Variants in NDST3 observed in about 807,000 individuals in gnomAD.
The protein encoded by NDST3 is bifunctional heparan sulfate N-deacetylase/N-sulfotransferase 3.
Under a neutral mutation model 96.1 loss-of-function variants are expected in NDST3, and 58 were observed. The ratio of observed to expected loss-of-function variants is 0.60; its 90% CI spans 0.49 to 0.75. The LOEUF is 0.75. NDST3 is among the 30% of genes least tolerant of loss of function. The probability of loss-of-function intolerance (pLI) is 0.00; values close to 1 mark genes in which losing one functional copy is unlikely to be tolerated. For synonymous variants in NDST3, 333 were observed against 359.7 expected, an observed-to-expected ratio of 0.93 and a Z score of 0.84; for missense variants, 788 against 1,034.2, an observed-to-expected ratio of 0.76 and a Z score of 3.27.
At position 118,098,426 on chromosome 4, in the gene NDST3, A is replaced by T. The variant is rs571214688; in HGVS notation, c.982-6592A>T. Reference sequence around the variant, plus strand: ...AGTATTTTGACTAAGCATGTCAACCATAAGCTAAATAGCATATGCATAACA... The same window carrying T: ...AGTATTTTGACTAAGCATGTCAACCTTAAGCTAAATAGCATATGCATAACA... On this transcript the variant is annotated intron_variant, in intron 2 of 13. Coordinates refer to ENST00000296499, the MANE Select transcript of NDST3 (RefSeq NM_004784.3). 2.0e-5 allele frequency among the ~76,000 whole-genome samples: 3 copies of T among 152,144 alleles called. No homozygotes were observed. The South Asian group carries it at 6.2e-4, about 31-fold the overall frequency.
At chr4:118,089,823 G>A (rs1329907856) in intron 2 of NDST3, among the ~76,000 whole-genome samples, 1 of 151,906 alleles carries the variant, frequency 6.6e-6, no homozygotes, top group Non-Finnish European at 1.5e-5. Context: ...TATTCATCCT[G>A]AGCAGATGAA....
intron 7 of NDST3, among the ~76,000 whole-genome samples, chr4:118,226,367 T>G (rs1182419580): frequency 6.6e-6 from 1 of 152,198 alleles, no homozygotes; most frequent in East Asian, 1.9e-4. Context: ...AGTTACATTT[T>G]TAGATATACA....
At chr4:118,243,141 T>C (rs1404585368) in intron 12 of NDST3, among the ~76,000 whole-genome samples, 1 of 152,090 alleles carries the variant, frequency 6.6e-6, no homozygotes, top group Non-Finnish European at 1.5e-5. Flanking sequence ...AAAAAGACTA[T>C]CATGGAATTT....
At position 118,213,032 on chromosome 4, in the gene NDST3, C is replaced by T. The variant is rs1738908505; in HGVS notation, c.1540-11459C>T. ...AGTCTGATGAAAGACTATTTTTCTA[C>T]CTTCCTTATTAGTCTCTTCACATTT... is the stretch of plus-strand genomic sequence containing the variant. On this transcript the variant is annotated intron_variant, in intron 6 of 13. Coordinates refer to ENST00000296499, the MANE Select transcript of NDST3 (RefSeq NM_004784.3). Among the ~76,000 whole-genome samples, 2 of 152,136 alleles carry T rather than the reference C, an allele frequency of 1.3e-5. 1 individual carries two copies. Among genetic ancestry groups the T allele is most frequent in the South Asian group, 4.1e-4 (2 of 4,834 alleles).
rs190298267 is a variant in NDST3 at position 118,218,824 on chromosome 4, A to G, written c.1540-5667A>G. Among the ~76,000 whole-genome samples, 589 of 152,306 alleles carry G rather than the reference A, an allele frequency of 3.9e-3. 1 individual carries two copies. The highest frequency in any genetic ancestry group is 6.1e-3 in the Non-Finnish European group (413 of 68,020). On this transcript the variant is annotated intron_variant, in intron 6 of 13. Transcript: ENST00000296499. ...TCTCAGCTCCAAACTCGTTAAGCTG[A>G]TAAGTAACTTCAGCAAAGTCTCAGG...
At chr4:118,249,944 C>T (rs1360769426) in intron 12 of NDST3, among the ~76,000 whole-genome samples, 1 of 152,184 alleles carries the variant, frequency 6.6e-6, no homozygotes. Context: ...TCAACACTTT[C>T]TACTCACCTT....
At chr4:118,163,701 T>C (rs985735379) in intron 6 of NDST3, among the ~76,000 whole-genome samples, 1 of 151,968 alleles carries the variant, frequency 6.6e-6, no homozygotes, top group Non-Finnish European at 1.5e-5. Context: ...TGTATACATA[T>C]GTAACTAACC....
At chr4:118,036,079 GGA>G (rs1202225420) in intron 1 of NDST3, among the ~76,000 whole-genome samples, 1 of 151,960 alleles carries the variant, frequency 6.6e-6, no homozygotes, top group Admixed American at 6.5e-5. Flanking sequence ...ATCAGGCATT[GGA>G]GATTCTTTTT....
intron 2 of NDST3, among the ~76,000 whole-genome samples, chr4:118,088,884 T>G (rs1228992218): frequency 6.6e-6 from 1 of 151,972 alleles, no homozygotes; most frequent in Non-Finnish European, 1.5e-5. Flanking sequence ...TGATAGTTAA[T>G]TGCCTCTATT....
At chr4:118,076,268 T>C (rs1727522857) in intron 2 of NDST3, among the ~76,000 whole-genome samples, 1 of 152,188 alleles carries the variant, frequency 6.6e-6, no homozygotes, top group African/African-American at 2.4e-5. Flanking sequence ...ATGATGACTA[T>C]GTGTCTTGGG....
At chr4:118,189,241 G>A (rs1336916348) in intron 6 of NDST3, among the ~76,000 whole-genome samples, 1 of 152,030 alleles carries the variant, frequency 6.6e-6, no homozygotes, top group Admixed American at 6.6e-5. Context: ...AGTAGAGATG[G>A]GGTTTGCCCA....
chr4:118,184,108 G>A (rs1736774972), intron 6 of NDST3, among the ~76,000 whole-genome samples: 1 of 152,198 alleles, frequency 6.6e-6, no homozygotes, highest in South Asian at 2.1e-4. Flanking sequence ...AAAACTAGAT[G>A]TAAGGAGAAT....
chr4:118,180,114 T>C (rs926416487), intron 6 of NDST3, among the ~76,000 whole-genome samples: 23 of 152,050 alleles, frequency 1.5e-4, no homozygotes, highest in African/African-American at 5.3e-4. Flanking sequence ...TTTTAACCTT[T>C]ATTTTAGATT....
At chr4:118,188,384 C>CT (rs1255327763) in intron 6 of NDST3, among the ~76,000 whole-genome samples, 1 of 150,452 alleles carries the variant, frequency 6.6e-6, no homozygotes, top group East Asian at 1.9e-4. Context: ...GATTGTACAG[C>CT]TTTTAATAAT....
intron 2 of NDST3, among the ~76,000 whole-genome samples, chr4:118,100,402 CT>C (rs1729669175): frequency 6.6e-6 from 1 of 152,014 alleles, no homozygotes; most frequent in Non-Finnish European, 1.5e-5. Flanking sequence ...TCCAGCTTGC[CT>C]CCACAACCAC....
At chr4:118,163,349 C>G (rs1023894512) in intron 6 of NDST3, among the ~76,000 whole-genome samples, 8 of 152,152 alleles carry the variant, frequency 5.3e-5, no homozygotes, top group South Asian at 2.1e-4. Context: ...TTGGAACCAA[C>G]CCAAATGTCC....
chr4:118,255,748 A>G lies in NDST3; in HGVS notation c.*36A>G, dbSNP rs1383663495. 1.9e-6 allele frequency: 3 copies of G among 1,542,806 alleles called. No individual in the cohort carries two copies. The highest frequency in any genetic ancestry group is 2.6e-6 in the Non-Finnish European group (3 of 1,140,380). On this transcript the variant is annotated 3_prime_UTR_variant, in exon 14 of 14. Coordinates refer to ENST00000296499, the MANE Select transcript of NDST3 (RefSeq NM_004784.3). ...AAACTTGAGACTTCATCGTCCATGT[A>G]GAACACACCTTTTCCAAAGCTTCCA...
intron 10 of NDST3, among the ~76,000 whole-genome samples, chr4:118,239,339 A>C (rs1740871314): frequency 6.6e-6 from 1 of 152,126 alleles, no homozygotes; most frequent in Non-Finnish European, 1.5e-5. Context: ...AAGGTCATAA[A>C]AGCAGATGAA....
At chr4:118,158,887 C>T (rs918562503) in intron 6 of NDST3, among the ~76,000 whole-genome samples, 4 of 152,170 alleles carry the variant, frequency 2.6e-5, no homozygotes, top group African/African-American at 4.8e-5. Flanking sequence ...AACAACAATA[C>T]ATGAATTAAT....
Sources: allele counts gnomAD v4.1 joint callset (sites outside exome capture counted in the v4.1 genomes callset), GRCh38; gene constraint gnomAD v4.1.1; transcripts MANE v1.5; gene names NCBI Gene and HGNC (gene_info 2026-07-23, HGNC 2026-07-21).